The following ULK4 variants were observed in gnomAD, a reference collection of about 807,000 sequenced individuals.
ULK4 encodes unc-51 like kinase 4, also known as inactive serine/threonine-protein kinase ULK4.
A neutral mutation model predicts 160.6 loss-of-function variants in ULK4; 133 were observed. The ratio of observed to expected loss-of-function variants is 0.83; its 90% CI spans 0.72 to 0.96. ULK4 has a LOEUF of 0.96. Among genes scored for constraint, ULK4 ranks in the 40% least tolerant of loss-of-function variants. ULK4 has a pLI of 0.00. For missense variants in ULK4, 1,580 were observed against 1,499.5 expected (o/e 1.05, Z -0.89); for synonymous variants, 534 against 539.8 (o/e 0.99, Z 0.15).
At chr3:41,856,623 ATATATATG>A (rs1559611506) in intron 17 of ULK4, among the ~76,000 whole-genome samples, 2 of 125,800 alleles carry the variant, frequency 1.6e-5, no homozygotes, top group Non-Finnish European at 3.2e-5. Context: ...ATACACATAT[ATATATATG>A]TATATATATG....
At chr3:41,642,383 C>A (rs1202072105) in intron 30 of ULK4, among the ~76,000 whole-genome samples, 1 of 151,942 alleles carries the variant, frequency 6.6e-6, no homozygotes, top group Non-Finnish European at 1.5e-5. Flanking sequence ...TGTTCCCCTT[C>A]CTGCGTCCAT....
chr3:41,455,370 T>G, intron 34 of ULK4, 127 bp downstream of exon 34: 1 of 818,166 alleles, frequency 1.2e-6, no homozygotes, highest in South Asian at 2.2e-5. Flanking sequence ...AATAATCTTC[T>G]GAAAGTTCTT....
chr3:41,630,009 G>A (rs2033681383), intron 30 of ULK4, among the ~76,000 whole-genome samples: 1 of 152,124 alleles, frequency 6.6e-6, no homozygotes, highest in Admixed American at 6.5e-5. Flanking sequence ...TTCCTCACCA[G>A]TCTGAGTAGC....
chr3:41,610,899 T>C (rs2032644205), intron 31 of ULK4, among the ~76,000 whole-genome samples: 1 of 152,206 alleles, frequency 6.6e-6, no homozygotes, highest in South Asian at 2.1e-4. Flanking sequence ...AATGATTTAC[T>C]GAAGTAGGCC....
intron 17 of ULK4, among the ~76,000 whole-genome samples, chr3:41,838,877 T>G (rs2041832870): frequency 6.6e-6 from 1 of 152,008 alleles, no homozygotes; most frequent in Non-Finnish European, 1.5e-5. Flanking sequence ...AAAAGTGAAA[T>G]TTATAGACAT....
chr3:41,727,075 T>A (rs531392798), intron 22 of ULK4, among the ~76,000 whole-genome samples: 1 of 152,182 alleles, frequency 6.6e-6, no homozygotes, highest in African/African-American at 2.4e-5. Flanking sequence ...ACAATTTTCT[T>A]ACTCTCATCA....
chr3:41,506,192 A>G (rs1972020), intron 32 of ULK4, among the ~76,000 whole-genome samples: 127,756 of 152,066 alleles, frequency 0.84, 54,966 homozygotes, highest in Non-Finnish European at 0.94. Flanking sequence ...TCTTTATTCT[A>G]CTCTGCTAGC....
At chr3:41,280,501 A>C (rs1488464821) in intron 35 of ULK4, among the ~76,000 whole-genome samples, 1 of 152,236 alleles carries the variant, frequency 6.6e-6, no homozygotes, top group Non-Finnish European at 1.5e-5. Context: ...AGGATTAAGA[A>C]ACTCACTCAA....
At chr3:41,587,755 T>C (rs1027846468) in intron 31 of ULK4, among the ~76,000 whole-genome samples, 5 of 152,150 alleles carry the variant, frequency 3.3e-5, no homozygotes, top group Admixed American at 3.3e-4. Flanking sequence ...AATTGAAAAC[T>C]GAAAACAGCA....
intron 2 of ULK4, among the ~76,000 whole-genome samples, chr3:41,938,459 A>G (rs1347039087): frequency 6.6e-6 from 1 of 152,136 alleles, no homozygotes; most frequent in Non-Finnish European, 1.5e-5. Flanking sequence ...GGTGGGTTGG[A>G]TCACTTGAGG....
intron 30 of ULK4, among the ~76,000 whole-genome samples, chr3:41,632,669 T>C (rs892145115): frequency 1.3e-5 from 2 of 152,120 alleles, no homozygotes; most frequent in African/African-American, 4.8e-5. Flanking sequence ...AAACATGGAT[T>C]GCACAGTTAC....
chr3:41,732,721 G>A (rs538043554), intron 22 of ULK4, among the ~76,000 whole-genome samples: 9 of 152,022 alleles, frequency 5.9e-5, no homozygotes, highest in East Asian at 5.8e-4. Context: ...ATCAACCTAC[G>A]TGTCCATCAA....
intron 30 of ULK4, among the ~76,000 whole-genome samples, chr3:41,654,933 G>C (rs1455906056): frequency 6.6e-6 from 1 of 152,190 alleles, no homozygotes; most frequent in Non-Finnish European, 1.5e-5. Flanking sequence ...CTCAGAGACT[G>C]ACTTGCTTCT....
chr3:41,468,641 T>C (rs2083895138), intron 32 of ULK4, among the ~76,000 whole-genome samples: 1 of 152,156 alleles, frequency 6.6e-6, no homozygotes, highest in African/African-American at 2.4e-5. Context: ...ATGGAACTTT[T>C]CCACATGAAA....
chr3:41,327,201 C>A (rs184771956), intron 35 of ULK4, among the ~76,000 whole-genome samples: 1 of 152,122 alleles, frequency 6.6e-6, no homozygotes, highest in Non-Finnish European at 1.5e-5. Flanking sequence ...GATCTAGAAC[C>A]TTCTCCATTT....
At chr3:41,411,734 C>A (rs1056868021) in intron 34 of ULK4, among the ~76,000 whole-genome samples, 8 of 152,010 alleles carry the variant, frequency 5.3e-5, no homozygotes, top group African/African-American at 1.9e-4. Context: ...TGCCCAGCAA[C>A]CTTTCTATTG....
intron 5 of ULK4, among the ~76,000 whole-genome samples, chr3:41,924,482 T>C (rs948126288): frequency 8.5e-5 from 13 of 152,200 alleles, no homozygotes; most frequent in African/African-American, 2.7e-4. Flanking sequence ...AGTTCAGAAG[T>C]AAGCATCACT....
rs560092724 is a variant in ULK4 at position 41,436,058 on chromosome 3, C to T, written c.3492+19439G>A. ...ACTTTATGATGGTGGGAAAGCGATA[C>T]GCATTCAGTAGAAACAGTACTTTGG... On this transcript the variant is annotated intron_variant, in intron 34 of 36. Coordinates refer to ENST00000301831, the MANE Select transcript of ULK4 (RefSeq NM_017886.4). Among the ~76,000 whole-genome samples, 257 of 152,254 alleles carry T rather than the reference C, an allele frequency of 1.7e-3. 1 individual carries two copies. Among genetic ancestry groups the T allele is most frequent in the Middle Eastern group, 0.014 (4 of 294 alleles).
At chr3:41,892,823 T>C (rs1698013532) in intron 16 of ULK4, among the ~76,000 whole-genome samples, 1 of 152,224 alleles carries the variant, frequency 6.6e-6, no homozygotes, top group Admixed American at 6.5e-5. Context: ...TGCTTCCTGT[T>C]GACCAATTCC....
Sources: gnomAD v4.1 joint callset for allele counts (sites outside exome capture counted in the v4.1 genomes callset) on GRCh38, gnomAD v4.1.1 for gene constraint, MANE v1.5 for transcripts, NCBI Gene and HGNC (gene_info 2026-07-23, HGNC 2026-07-21) for gene names.